Variants in LONP2 observed in about 807,000 individuals in gnomAD.
LONP2 encodes the protein lon protease homolog 2, peroxisomal.
In LONP2, 60 loss-of-function variants were observed where a neutral mutation model predicts 85.6. The observed-to-expected ratio is 0.70, with a 90% CI of 0.57 to 0.87. The LOEUF (loss-of-function observed/expected upper bound fraction) is 0.87, where lower values mean the gene tolerates loss of function less well. Ranked by LOEUF, LONP2 falls within the 40% of genes least tolerant of loss-of-function variation. The pLI, the probability that LONP2 is intolerant of heterozygous loss-of-function variation, is 0.00. For synonymous variants in LONP2, 395 were observed against 389.7 expected (o/e 1.01, Z -0.16); for missense variants, 860 against 1,063.5 (o/e 0.81, Z 2.66).
intron 12 of LONP2, chr16:48,345,916 AT>A: frequency 6.6e-6 from 1 of 152,146 alleles, no homozygotes; most frequent in East Asian, 1.9e-4. Flanking sequence ...GTGGTGATAC[AT>A]GCCTGTAATC....
intron 1 of LONP2, among the ~76,000 whole-genome samples, chr16:48,251,467 A>G (rs1039822140): frequency 3.3e-5 from 5 of 152,220 alleles, no homozygotes; most frequent in Non-Finnish European, 5.9e-5. Flanking sequence ...ATTGTTAGGT[A>G]AAATGATTAC....
chr16:48,362,086 C>T, downstream of LONP2: 2 of 1,614,180 alleles, frequency 1.2e-6, no homozygotes, highest in South Asian at 2.2e-5. This position sits in a 1 kb window ranked among gnomAD's most constrained non-coding sequence, Gnocchi z 4.2. Flanking sequence ...TCATGGTCTG[C>T]TTTTTCTGTG....
intron 8 of LONP2, among the ~76,000 whole-genome samples, chr16:48,286,573 G>A (rs1467088060): frequency 6.6e-6 from 1 of 151,944 alleles, no homozygotes; most frequent in African/African-American, 2.4e-5. Context: ...CGCACTCATG[G>A]CTCATGGCAG....
rs148040285 is a variant in LONP2, at chr16:48,307,561, G to C, written c.1795+4256G>C. Among the ~76,000 whole-genome samples, 1,063 of 152,192 alleles carry C rather than the reference G, an allele frequency of 7.0e-3. 17 individuals carry two copies. The highest frequency in any genetic ancestry group is 0.024 in the African/African-American group (1,013 of 41,516). On this transcript the variant is annotated intron_variant, in intron 11 of 14. Coordinates refer to ENST00000285737, the MANE Select transcript of LONP2 (RefSeq NM_031490.5). Reference sequence around the variant, plus strand: ...TTATATTATAATCAGTCCTTATAAAGTTTCTCATAATACACTGCATTCTCA... The same window carrying C: ...TTATATTATAATCAGTCCTTATAAACTTTCTCATAATACACTGCATTCTCA...
At chr16:48,347,438 C>A in intron 12 of LONP2, 69 bp from the exon 13 acceptor site, 2 of 1,487,838 alleles carry the variant, frequency 1.3e-6, no homozygotes, top group Non-Finnish European at 1.9e-6. Context: ...CCGACTCTTG[C>A]AGGATTGTGT....
chr16:48,280,840 C>A (rs1256577476), intron 8 of LONP2, among the ~76,000 whole-genome samples: 1 of 152,140 alleles, frequency 6.6e-6, no homozygotes, highest in Non-Finnish European at 1.5e-5. Context: ...CATATTAAAG[C>A]ACTCTATAAA....
chr16:48,250,640 G>A (rs960799913), intron 1 of LONP2, among the ~76,000 whole-genome samples: 1 of 152,060 alleles, frequency 6.6e-6, no homozygotes, highest in Non-Finnish European at 1.5e-5. Context: ...CCTTTAGGCC[G>A]GGGATCCAGT....
intron 11 of LONP2, among the ~76,000 whole-genome samples, chr16:48,308,020 A>C (rs528173199): frequency 6.6e-6 from 1 of 152,326 alleles, no homozygotes; most frequent in Admixed American, 6.5e-5. Flanking sequence ...TGGGGAAGGC[A>C]CCAAGCCATT....
chr16:48,335,464 A>G (rs1261053635), intron 12 of LONP2, among the ~76,000 whole-genome samples: 8 of 152,376 alleles, frequency 5.3e-5, no homozygotes, highest in South Asian at 4.1e-4. Flanking sequence ...ATGTTAGACT[A>G]TAACTGCTAA....
intron 1 of LONP2, among the ~76,000 whole-genome samples, chr16:48,251,019 G>C (rs1006860794): frequency 6.6e-6 from 1 of 152,202 alleles, no homozygotes; most frequent in Non-Finnish European, 1.5e-5. Flanking sequence ...AAGGATAGAC[G>C]TAGTTCAGAA....
At chr16:48,287,374 C>T (rs977011470) in intron 8 of LONP2, among the ~76,000 whole-genome samples, 1 of 152,226 alleles carries the variant, frequency 6.6e-6, no homozygotes, top group Non-Finnish European at 1.5e-5. Flanking sequence ...CCAGTTTTTC[C>T]ATTTAAGTTT....
At chr16:48,337,427 C>T (rs1959684815) in intron 12 of LONP2, among the ~76,000 whole-genome samples, 1 of 152,186 alleles carries the variant, frequency 6.6e-6, no homozygotes, top group Admixed American at 6.5e-5. Flanking sequence ...GTGTAAGGCC[C>T]TCCACAGTGA....
chr16:48,360,592 C>T (rs1021328389), downstream of LONP2: 1 of 152,534 alleles, frequency 6.6e-6, no homozygotes, highest in Non-Finnish European at 1.5e-5. Flanking sequence ...ACATTTTTTG[C>T]AAACTGCCTT....
rs1972229619 is a variant in LONP2, at chr16:48,277,292, G to A, written c.1242-46G>A. On this transcript the variant is annotated intron_variant, in intron 7 of 14. Coordinates refer to ENST00000285737, the MANE Select transcript of LONP2 (RefSeq NM_031490.5). ...TTGATTTCTGAATGGCGTCGCTCCT[G>A]CCTCCTGACATCTCACACTGTGAAT... 3 of 1,588,050 alleles carry A rather than the reference G, an allele frequency of 1.9e-6. No individual in the cohort carries two copies. In the East Asian group the frequency reaches 6.8e-5, roughly 36 times the overall value.
chr16:48,288,903 C>G (rs770815609), intron 8 of LONP2, among the ~76,000 whole-genome samples: 1 of 151,970 alleles, frequency 6.6e-6, no homozygotes, highest in Non-Finnish European at 1.5e-5. Flanking sequence ...ATATATGTAC[C>G]AGTGTGCCCA....
rs1256350013 is a variant in LONP2 at position 48,356,710 on chromosome 16, G to A, written c.*4908G>A. 3 of 376,866 alleles carry A rather than the reference G, an allele frequency of 8.0e-6. No homozygotes were observed. Among genetic ancestry groups the A allele is most frequent in the African/African-American group, 2.1e-5 (1 of 47,252 alleles). 23.3% of individuals were successfully genotyped at this position (376,866 alleles called of 1,614,324 possible). On this transcript the variant is annotated 3_prime_UTR_variant, in exon 15 of 15. Coordinates refer to ENST00000285737, the MANE Select transcript of LONP2 (RefSeq NM_031490.5). ...GTCTGAATAGACAACAGGCAAATAT[G>A]GTGAGTGGTCATTGAGATGTTTTAA... is the stretch of plus-strand genomic sequence containing the variant.
downstream of LONP2, chr16:48,361,252 AAAAC>A (rs1447544692): frequency 1.8e-5 from 5 of 276,522 alleles, no homozygotes; most frequent in South Asian, 3.8e-5. Flanking sequence ...CTCCCACGCA[AAAAC>A]AAACTTTTTC....
rs1248338832 is a variant in LONP2, at chr16:48,258,758, C to T, written c.723+18C>T. 1 of 1,579,498 alleles carries T rather than the reference C, an allele frequency of 6.3e-7. No individual in the cohort carries two copies. The highest frequency in any genetic ancestry group is 2.3e-5 in the East Asian group (1 of 43,888). On this transcript the variant is annotated intron_variant, in intron 4 of 14. Coordinates refer to ENST00000285737, the MANE Select transcript of LONP2 (RefSeq NM_031490.5). The stretch of plus-strand genomic sequence containing the variant: ...ATAAGAGGGTAAATATTTATTTTAA[C>T]CCATTTCAGTTTTGAAAAAAAAATA...
At chr16:48,269,111 G>T (rs566931018) in intron 6 of LONP2, among the ~76,000 whole-genome samples, 3 of 151,738 alleles carry the variant, frequency 2.0e-5, no homozygotes, top group African/African-American at 7.3e-5. Context: ...TGAAAGCTTG[G>T]CTCTAGAAAC....
Sources: allele counts gnomAD v4.1 joint callset (sites outside exome capture counted in the v4.1 genomes callset), GRCh38; gene constraint gnomAD v4.1.1; non-coding constraint Gnocchi (gnomAD v3.1); transcripts MANE v1.5; gene names NCBI Gene and HGNC (gene_info 2026-07-23, HGNC 2026-07-21).